Variants in HEMK2 observed in about 807,000 individuals in gnomAD.
The protein encoded by HEMK2 is methyltransferase HEMK2.
the HEMK2 span, among the ~76,000 whole-genome samples, chr21:28,823,451 TG>T: frequency 1.3e-5 from 2 of 152,244 alleles, no homozygotes; most frequent in Non-Finnish European, 2.9e-5. Flanking sequence ...CAGTGTGCTC[TG>T]CTAATTTCTT....
the HEMK2 span, among the ~76,000 whole-genome samples, chr21:28,805,679 T>C: frequency 1.3e-5 from 2 of 152,146 alleles, no homozygotes; most frequent in Non-Finnish European, 2.9e-5. Context: ...GCTTTTTTTT[T>C]CTCCGAAACT....
the HEMK2 span, among the ~76,000 whole-genome samples, chr21:28,805,315 C>CTGTTT: frequency 6.6e-6 from 1 of 152,154 alleles, no homozygotes; most frequent in Non-Finnish European, 1.5e-5. Flanking sequence ...TCCCTCCCAC[C>CTGTTT]ACCCGCCCAT....
chr21:28,654,798 G>A, the HEMK2 span, among the ~76,000 whole-genome samples: 2 of 152,036 alleles, frequency 1.3e-5, no homozygotes, highest in Non-Finnish European at 2.9e-5. Flanking sequence ...GTTGTTTTCT[G>A]CAATAGGGTT....
At chr21:28,700,645 C>T in the HEMK2 span, among the ~76,000 whole-genome samples, 1 of 152,026 alleles carries the variant, frequency 6.6e-6, no homozygotes, top group African/African-American at 2.4e-5. Flanking sequence ...GAAATTGAAT[C>T]CGTAATAAAA....
the HEMK2 span, among the ~76,000 whole-genome samples, chr21:28,832,721 C>T: frequency 6.6e-6 from 1 of 152,208 alleles, no homozygotes; most frequent in Non-Finnish European, 1.5e-5. Flanking sequence ...TCTCACTTAT[C>T]CATTGCTAGA....
the HEMK2 span, among the ~76,000 whole-genome samples, chr21:28,604,932 T>C: frequency 6.6e-6 from 1 of 152,228 alleles, no homozygotes; most frequent in East Asian, 1.9e-4. Context: ...CATGAATTTT[T>C]CTTGTACAGG....
At chr21:28,679,126 C>T in the HEMK2 span, among the ~76,000 whole-genome samples, 250 of 152,272 alleles carry the variant, frequency 1.6e-3, no homozygotes, top group African/African-American at 5.1e-3. Flanking sequence ...CAAGACCCAT[C>T]AGTGTGCTGT....
chr21:28,715,509 G>A, the HEMK2 span, among the ~76,000 whole-genome samples: 1 of 151,658 alleles, frequency 6.6e-6, no homozygotes, highest in Admixed American at 6.6e-5. Flanking sequence ...TTTGTTTGTT[G>A]AATTAAATTC....
chr21:28,749,856 C>A, the HEMK2 span, among the ~76,000 whole-genome samples: 3 of 152,194 alleles, frequency 2.0e-5, no homozygotes, highest in African/African-American at 7.2e-5. Flanking sequence ...GTGTCTACAG[C>A]CATGTAATGT....
At chr21:28,819,785 T>C in the HEMK2 span, among the ~76,000 whole-genome samples, 9 of 152,142 alleles carry the variant, frequency 5.9e-5, no homozygotes, top group Admixed American at 1.3e-4. Context: ...TTTGACCCCA[T>C]GATCCACCCA....
At chr21:28,868,893 G>T in the HEMK2 span, among the ~76,000 whole-genome samples, 2 of 151,976 alleles carry the variant, frequency 1.3e-5, no homozygotes, top group East Asian at 1.9e-4. Flanking sequence ...TAAGTCAGTG[G>T]TTTTTTAAAT....
the HEMK2 span, among the ~76,000 whole-genome samples, chr21:28,770,392 C>T: frequency 6.6e-6 from 1 of 152,120 alleles, no homozygotes; most frequent in Non-Finnish European, 1.5e-5. Context: ...TTCAATTCAA[C>T]TTGTTTCCAA....
chr21:28,879,775 G>C, the HEMK2 span: 1 of 896,138 alleles, frequency 1.1e-6, no homozygotes, highest in Non-Finnish European at 1.6e-6. Flanking sequence ...GTCTGTGATA[G>C]CAGCAGCTGA....
the HEMK2 span, among the ~76,000 whole-genome samples, chr21:28,843,112 A>G: frequency 1.3e-5 from 2 of 152,164 alleles, no homozygotes; most frequent in African/African-American, 2.4e-5. Flanking sequence ...CATGAGACTA[A>G]TAGTATCCTC....
chr21:28,763,077 T>C, the HEMK2 span, among the ~76,000 whole-genome samples: 1 of 152,134 alleles, frequency 6.6e-6, no homozygotes, highest in Non-Finnish European at 1.5e-5. Context: ...TAAAAGCTTC[T>C]GCACACAAAC....
chr21:28,771,521 C>CT, the HEMK2 span, among the ~76,000 whole-genome samples: 866 of 131,554 alleles, frequency 6.6e-3, 33 homozygotes, highest in African/African-American at 0.023. Context: ...ATGCACCACC[C>CT]CCCCCCGCCA....
At chr21:28,834,195 G>T in the HEMK2 span, among the ~76,000 whole-genome samples, 3 of 152,188 alleles carry the variant, frequency 2.0e-5, no homozygotes, top group South Asian at 6.2e-4. Flanking sequence ...ACAGAGCAGT[G>T]TGCAAGGTCT....
At chr21:28,656,778 C>T in the HEMK2 span, among the ~76,000 whole-genome samples, 1 of 152,010 alleles carries the variant, frequency 6.6e-6, no homozygotes, top group African/African-American at 2.4e-5. Flanking sequence ...GCCCATCAAC[C>T]AAAGGCAATA....
chr21:28,693,201 G>A, the HEMK2 span, among the ~76,000 whole-genome samples: 4 of 151,986 alleles, frequency 2.6e-5, no homozygotes, highest in Admixed American at 6.6e-5. Flanking sequence ...TAATGTAGAT[G>A]GTAAAATAAT....
Sources: gnomAD v4.1 joint callset for allele counts (sites outside exome capture counted in the v4.1 genomes callset) on GRCh38, gnomAD v4.1.1 for gene constraint, MANE v1.5 for transcripts, NCBI Gene and HGNC (gene_info 2026-07-23, HGNC 2026-07-21) for gene names.